Variants in IPO7 observed in about 807,000 individuals in gnomAD.
IPO7 encodes importin 7, also known as importin-7.
In IPO7, 13 loss-of-function variants were observed where a neutral mutation model predicts 136.4. The observed-to-expected ratio is 0.10, with a 90% confidence interval of 0.06 to 0.15. The LOEUF (loss-of-function observed/expected upper bound fraction) is 0.15, where lower values mean the gene tolerates loss of function less well. IPO7 is among the 10% of genes least tolerant of loss of function. The pLI is 1.00. For missense variants in IPO7, 857 were observed against 1,240.6 expected, an observed-to-expected ratio of 0.69 and a Z score of 4.65; for synonymous variants, 403 against 404.4, an observed-to-expected ratio of 1.00 and a Z score of 0.04.
intron 1 of IPO7, among the ~76,000 whole-genome samples, chr11:9,386,392 T>C (rs2133713275): frequency 6.6e-6 from 1 of 152,300 alleles, no homozygotes; most frequent in South Asian, 2.1e-4. Flanking sequence ...ATGGATCACT[T>C]TTTGTTTTGA....
chr11:9,402,379 G>A (rs1259812546), intron 1 of IPO7, among the ~76,000 whole-genome samples: 1 of 125,670 alleles, frequency 8.0e-6, no homozygotes, highest in Non-Finnish European at 1.6e-5. Context: ...CAGCCCAGGC[G>A]ACAGAGCGAG....
chr11:9,422,644 G>GT (rs1461139930), intron 8 of IPO7, among the ~76,000 whole-genome samples: 11 of 152,036 alleles, frequency 7.2e-5, no homozygotes, highest in Admixed American at 3.9e-4. Flanking sequence ...CAATACTGTG[G>GT]TTTTTCAATA....
At chr11:9,387,022 T>A (rs1356045674) in intron 1 of IPO7, among the ~76,000 whole-genome samples, 1 of 152,228 alleles carries the variant, frequency 6.6e-6, no homozygotes, top group African/African-American at 2.4e-5. Flanking sequence ...ATTTAAATAT[T>A]TTTTGCTTTG....
intron 21 of IPO7, 35 bp from the exon 22 acceptor site, chr11:9,438,045 G>GTTTTTTTGTTTTTTT (rs1855404780): frequency 1.1e-6 from 1 of 944,158 alleles, no homozygotes; most frequent in African/African-American, 3.2e-5. Context: ...AAAGAAAACA[G>GTTTTTTTGTTTTTTT]TTTTTTTTTT....
At chr11:9,440,170 T>C (rs988706907) in intron 22 of IPO7, among the ~76,000 whole-genome samples, 1 of 152,208 alleles carries the variant, frequency 6.6e-6, no homozygotes, top group Non-Finnish European at 1.5e-5. Flanking sequence ...TTAAAAAAAA[T>C]CTTACAAAAG....
At position 9,425,438 on chromosome 11, in the gene IPO7, T is replaced by C. The variant is rs796102019; in HGVS notation, c.1335+176T>C. 8.6e-6 allele frequency: 5 copies of C among 580,254 alleles called. No homozygotes were observed. The African/African-American group carries it at 9.3e-5, about 11-fold the overall frequency. The allele number at this position is 580,254 out of a possible 1,614,324, so 35.9% of individuals were successfully genotyped here. ...CCTGGGCAACATAGTGATACCCCCA[T>C]CTCTATAAGGATAAAAAATAGGCCG... On this transcript the variant is annotated intron_variant, in intron 12 of 24. Transcript: ENST00000379719.
chr11:9,429,108 A>G lies in IPO7; in HGVS notation c.1503A>G (p.Thr501=), dbSNP rs1855256141. 3.1e-6 allele frequency: 5 copies of G among 1,613,818 alleles called. No homozygotes were observed. The East Asian group carries it at 1.1e-4, about 36-fold the overall frequency. The change falls in exon 14 of 25, where the codon ACA becomes ACG. Residue 501 remains threonine, a synonymous_variant. Transcript: ENST00000379719. The part of the protein sequence containing the change: ...DQNLQTALEL[T]RRCLIDDREM... ...ACCTTCAAACAGCCTTAGAGCTAAC[A>G]AGAAGATGTCTGATTGATGATAGAG...
intron 2 of IPO7, 93 bp downstream of exon 2, chr11:9,403,464 A>C: frequency 1.1e-6 from 1 of 896,496 alleles, no homozygotes; most frequent in Admixed American, 2.5e-5. Context: ...GCCCTTTGGC[A>C]ATTTTTTCCC....
chr11:9,442,533 C>G (rs978570262), intron 24 of IPO7, among the ~76,000 whole-genome samples: 2 of 152,060 alleles, frequency 1.3e-5, no homozygotes, highest in African/African-American at 2.4e-5. Flanking sequence ...CCTGCCTCAG[C>G]CTCCCAAGTA....
chr11:9,400,720 C>T (rs905166378), intron 1 of IPO7, among the ~76,000 whole-genome samples: 2 of 151,830 alleles, frequency 1.3e-5, no homozygotes, highest in Non-Finnish European at 2.9e-5. Context: ...CTGTGCCCGG[C>T]CTACTAAATA....
rs570718192 is a variant in IPO7, at chr11:9,429,970, T to C, written c.1752+136T>C. The C allele has an allele frequency of 4.7e-4, 278 of 590,392 alleles. 2 individuals are homozygous for C. The highest frequency in any genetic ancestry group is 9.0e-4 in the Admixed American group (25 of 27,870). 36.6% of individuals were successfully genotyped at this position (590,392 alleles called of 1,614,324 possible). ...CACCTGGGATCGGTTTCATGGAAGA[T>C]AATTTTTCCACAGATGGTCCGGGGG... On this transcript the variant is annotated intron_variant, in intron 15 of 24. Transcript: ENST00000379719.
chr11:9,396,136 C>G (rs947160445), intron 1 of IPO7, among the ~76,000 whole-genome samples: 1 of 152,030 alleles, frequency 6.6e-6, no homozygotes, highest in East Asian at 1.9e-4. Context: ...TGGCTCACCC[C>G]TATAATCCCA....
Position 9,425,212 on chromosome 11 carries a change from A to G in IPO7, c.1285A>G (p.Lys429Glu), listed in dbSNP as rs1272751188. ...AGAACCAAATGCTGACCCTCGAAAA[A>G]AAGATGGAGCCCTGCATATGATTGG... ...LTEPNADPRKKDGALHMIGSL... is the reference protein window; with the variant it reads ...LTEPNADPRKEDGALHMIGSL... The change falls in exon 12 of 25, where the codon AAA becomes GAA. Residue 429 changes from lysine (K) to glutamate (E), a missense_variant. Physicochemically the swap from Lys to Glu is moderately conservative, Grantham distance 56 (BLOSUM62 1). Coordinates refer to ENST00000379719, the MANE Select transcript of IPO7 (RefSeq NM_006391.3). The G allele has an allele frequency of 6.2e-7, 1 of 1,612,476 alleles. No homozygotes were observed. Among genetic ancestry groups the G allele is most frequent in the African/African-American group, 1.3e-5 (1 of 75,004 alleles).
chr11:9,441,969 T>C, intron 23 of IPO7, 112 bp from the exon 24 acceptor site: 1 of 554,778 alleles, frequency 1.8e-6, no homozygotes, highest in Non-Finnish European at 3.3e-6. Context: ...GAATATAAAA[T>C]AGATCAGAAT....
At chr11:9,440,762 C>CTTTTCTAGTCTGGGT in intron 23 of IPO7, 101 bp downstream of exon 23, 1 of 938,002 alleles carries the variant, frequency 1.1e-6, no homozygotes, top group Non-Finnish European at 1.7e-6. Context: ...CAAACCCAGA[C>CTTTTCTAGTCTGGGT]TAGAAAAGGC....
In IPO7 at chr11:9,384,779, A is replaced by G. The variant is rs756500863; in HGVS notation, c.16A>G (p.Ile6Val). The G allele has an allele frequency of 1.2e-6, 2 of 1,605,912 alleles. No homozygotes were observed. The highest frequency in any genetic ancestry group is 1.1e-5 in the South Asian group (1 of 89,516). The stretch of plus-strand genomic sequence containing the variant: ...CCGCGCTGCGATGGACCCCAACACC[A>G]TTATCGAGGCCCTGCGGGGCACTAT... MDPNT[I>V]IEALRGTMDP... Residue 6 changes from isoleucine (I) to valine (V), a missense_variant, in exon 1 of 25, where the codon ATT (isoleucine) becomes GTT (valine). Coordinates refer to ENST00000379719, the MANE Select transcript of IPO7 (RefSeq NM_006391.3).
At chr11:9,396,829 G>A (rs1411184174) in intron 1 of IPO7, among the ~76,000 whole-genome samples, 1 of 152,080 alleles carries the variant, frequency 6.6e-6, no homozygotes, top group African/African-American at 2.4e-5. Context: ...TAGTTGATGG[G>A]CATACAGGTT....
At chr11:9,390,759 G>A (rs1269276582) in intron 1 of IPO7, among the ~76,000 whole-genome samples, 2 of 4,528 alleles carry the variant, frequency 4.4e-4, no homozygotes, top group Non-Finnish European at 1.6e-3. Flanking sequence ...AGACCAGCCT[G>A]GGCAACATAC....
intron 23 of IPO7, 131 bp from the exon 24 acceptor site, chr11:9,441,950 T>C (rs894918453): frequency 3.9e-6 from 2 of 506,806 alleles, no homozygotes; most frequent in African/African-American, 4.0e-5. Flanking sequence ...ATTTTAAAAA[T>C]TATTGGGAGA....
Sources: allele counts gnomAD v4.1 joint callset (sites outside exome capture counted in the v4.1 genomes callset), GRCh38; gene constraint gnomAD v4.1.1; transcripts MANE v1.5; gene names NCBI Gene and HGNC (gene_info 2026-07-23, HGNC 2026-07-21).